Variants in PNPLA8 observed in about 807,000 individuals in gnomAD.
PNPLA8 encodes calcium-independent phospholipase A2-gamma.
Under a neutral mutation model 76.9 loss-of-function variants are expected in PNPLA8, and 39 were observed. The ratio of observed to expected loss-of-function variants is 0.51; its 90% confidence interval spans 0.39 to 0.66. The LOEUF (loss-of-function observed/expected upper bound fraction) is 0.66. PNPLA8 is among the 30% of genes least tolerant of loss of function. The pLI is 0.00. For synonymous variants in PNPLA8, 301 were observed against 307.9 expected, an observed-to-expected ratio of 0.98 and a Z score of 0.24; for missense variants, 887 against 918.0, an observed-to-expected ratio of 0.97 and a Z score of 0.44.
chr7:108,510,371 A>C, intron 4 of PNPLA8: 9 of 1,562,966 alleles, frequency 5.8e-6, no homozygotes, highest in Non-Finnish European at 6.1e-6. Context: ...GGCAAGGAGG[A>C]AGCTTATCTA....
intron 7 of PNPLA8, chr7:108,496,346 C>G (rs886583880): frequency 3.1e-6 from 1 of 324,144 alleles, no homozygotes; most frequent in African/African-American, 2.2e-5. Flanking sequence ...TTAAAAAAGG[C>G]AATTGCAACT....
upstream of PNPLA8, among the ~76,000 whole-genome samples, chr7:108,526,488 G>A (rs1864097677): frequency 6.6e-6 from 1 of 152,206 alleles, no homozygotes; most frequent in African/African-American, 2.4e-5. Flanking sequence ...GCAGTGTCCT[G>A]GTTTGCTTGT....
intron 8 of PNPLA8, 103 bp downstream of exon 8, chr7:108,491,307 C>G: frequency 1.3e-6 from 1 of 750,672 alleles, no homozygotes. Context: ...AACTCTGTCT[C>G]AAAAAATAAA....
At chr7:108,509,640 C>T (rs1862741939) in intron 4 of PNPLA8, among the ~76,000 whole-genome samples, 1 of 151,072 alleles carries the variant, frequency 6.6e-6, no homozygotes, top group African/African-American at 2.4e-5. Flanking sequence ...GGATCTAGAA[C>T]TAGAAATACC....
chr7:108,507,341 CAAAAAAAAAAA>C (rs66685490), intron 4 of PNPLA8, among the ~76,000 whole-genome samples: 2 of 45,372 alleles, frequency 4.4e-5, no homozygotes, highest in Non-Finnish European at 7.3e-5. Flanking sequence ...GACTCTGTCT[CAAAAAAAAAAA>C]AAAAAAAAAA....
chr7:108,486,455 G>A (rs182741970), intron 9 of PNPLA8, among the ~76,000 whole-genome samples: 1 of 152,150 alleles, frequency 6.6e-6, no homozygotes, highest in African/African-American at 2.4e-5. Context: ...AAACTCAGCA[G>A]CCAGTACTTT....
At chr7:108,479,142 T>C (rs376149727) in intron 10 of PNPLA8, 42 bp downstream of exon 10, 2 of 1,412,846 alleles carry the variant, frequency 1.4e-6, no homozygotes, top group African/African-American at 2.8e-5. Flanking sequence ...ACTGCTAGAA[T>C]GCTAGAAGTT....
intron 8 of PNPLA8, among the ~76,000 whole-genome samples, chr7:108,490,716 G>A (rs1434558578): frequency 2.6e-5 from 4 of 151,616 alleles, no homozygotes; most frequent in African/African-American, 7.3e-5. Flanking sequence ...CCCGGGAGGC[G>A]GAGCTTGCAG....
intron 9 of PNPLA8, among the ~76,000 whole-genome samples, chr7:108,485,270 T>C (rs1468578098): frequency 2.6e-5 from 4 of 152,170 alleles, no homozygotes; most frequent in Non-Finnish European, 5.9e-5. Flanking sequence ...CTTGGGCAGA[T>C]AGGGAGAGAT....
chr7:108,493,428 G>A (rs1027679276), intron 7 of PNPLA8, among the ~76,000 whole-genome samples: 27 of 151,860 alleles, frequency 1.8e-4, no homozygotes, highest in Admixed American at 1.8e-3. Context: ...TATATTTTTT[G>A]AGACGGAGTC....
chr7:108,488,887 GT>G (rs1860939370), intron 8 of PNPLA8, among the ~76,000 whole-genome samples: 1 of 152,212 alleles, frequency 6.6e-6, no homozygotes, highest in African/African-American at 2.4e-5. Flanking sequence ...TGAGGCCAAA[GT>G]TAGTGTCCTG....
chr7:108,511,133 T>C (rs1862901873), intron 4 of PNPLA8, among the ~76,000 whole-genome samples: 1 of 152,170 alleles, frequency 6.6e-6, no homozygotes, highest in African/African-American at 2.4e-5. Context: ...AAATTTGCCT[T>C]TGAGAATACC....
intron 8 of PNPLA8, 109 bp downstream of exon 8, chr7:108,491,301 C>CTT: frequency 1.4e-6 from 1 of 705,920 alleles, no homozygotes. Flanking sequence ...GAGTGAAACT[C>CTT]TGTCTCAAAA....
At chr7:108,501,847 A>G (rs1466079484) in intron 5 of PNPLA8, among the ~76,000 whole-genome samples, 1 of 152,052 alleles carries the variant, frequency 6.6e-6, no homozygotes, top group Non-Finnish European at 1.5e-5. Flanking sequence ...TAATAAATGA[A>G]AGCTAAAATT....
chr7:108,526,244 G>A, upstream of PNPLA8: 1 of 207,840 alleles, frequency 4.8e-6, no homozygotes, highest in Non-Finnish European at 8.4e-6. Context: ...AGGATTTTCC[G>A]CCTCGCTCAG....
chr7:108,488,663 T>C (rs1025297419), intron 8 of PNPLA8, among the ~76,000 whole-genome samples: 2 of 152,232 alleles, frequency 1.3e-5, no homozygotes, highest in Non-Finnish European at 2.9e-5. Flanking sequence ...TCTTTGAAAG[T>C]ATTTTGACTT....
At chr7:108,486,795 T>G (rs991421610) in intron 9 of PNPLA8, among the ~76,000 whole-genome samples, 1 of 152,022 alleles carries the variant, frequency 6.6e-6, no homozygotes, top group Non-Finnish European at 1.5e-5. Context: ...TATGTATGAG[T>G]TTTTGAATGC....
At chr7:108,483,788 A>G (rs11977071) in intron 9 of PNPLA8, among the ~76,000 whole-genome samples, 20,441 of 152,200 alleles carry the variant, frequency 0.13, 1,453 homozygotes, top group African/African-American at 0.16. Context: ...GTAATAATTA[A>G]GCTATTTCCT....
chr7:108,488,896 C>T (rs1211323704), intron 8 of PNPLA8, among the ~76,000 whole-genome samples: 1 of 152,166 alleles, frequency 6.6e-6, no homozygotes, highest in African/African-American at 2.4e-5. Context: ...AGTTAGTGTC[C>T]TGTGCCAAGT....
Sources: gnomAD v4.1 joint callset for allele counts (sites outside exome capture counted in the v4.1 genomes callset) on GRCh38, gnomAD v4.1.1 for gene constraint, MANE v1.5 for transcripts, NCBI Gene and HGNC (gene_info 2026-07-23, HGNC 2026-07-21) for gene names.